The following KCNT2 variants were observed in gnomAD, a reference collection of about 807,000 sequenced individuals.
KCNT2 encodes the protein potassium sodium-activated channel subfamily T member 2, also known as potassium channel subfamily T member 2.
A neutral mutation model predicts 153.8 loss-of-function variants in KCNT2; 67 were observed. The observed-to-expected ratio is 0.44, with a 90% CI of 0.36 to 0.53. The LOEUF is 0.53. KCNT2 is among the 20% of genes least tolerant of loss of function. The pLI, the probability that KCNT2 is intolerant of heterozygous loss-of-function variation, is 0.00. For missense variants in KCNT2, 975 were observed against 1,354.8 expected (o/e 0.72, Z 4.40); for synonymous variants, 500 against 458.8 (o/e 1.09, Z -1.15).
intron 1 of KCNT2, among the ~76,000 whole-genome samples, chr1:196,590,920 G>T (rs181271687): frequency 6.6e-6 from 1 of 152,186 alleles, no homozygotes; most frequent in East Asian, 1.9e-4. Flanking sequence ...GAGGCCAGGA[G>T]TTCAAGACCT....
rs190590378 is a variant in KCNT2 at position 196,283,379 on chromosome 1, G to A, written c.2698-1023C>T. Among the ~76,000 whole-genome samples, 248 of 152,104 alleles carry A rather than the reference G, an allele frequency of 1.6e-3. 1 individual carries two copies. Among genetic ancestry groups the A allele is most frequent in the African/African-American group, 5.3e-3 (222 of 41,500 alleles). ...AACCCCGGGGGGCAGAGCTTGCAGT[G>A]AGCCAAGACCACGCCACTGCACTCC... is the stretch of plus-strand genomic sequence containing the variant. On this transcript the variant is annotated intron_variant, in intron 23 of 27. Coordinates refer to ENST00000294725, the MANE Select transcript of KCNT2 (RefSeq NM_198503.5).
At chr1:196,523,635 A>G (rs1653792703) in intron 1 of KCNT2, among the ~76,000 whole-genome samples, 1 of 152,182 alleles carries the variant, frequency 6.6e-6, no homozygotes, top group Non-Finnish European at 1.5e-5. Flanking sequence ...GAGAGTCTAG[A>G]CCAGAATTTC....
intron 13 of KCNT2, among the ~76,000 whole-genome samples, chr1:196,393,547 A>T (rs1255528175): frequency 1.3e-5 from 2 of 151,540 alleles, no homozygotes; most frequent in Non-Finnish European, 1.5e-5. Flanking sequence ...TGAAGAAGTT[A>T]TCCTCCTAGT....
chr1:196,460,909 A>T lies in KCNT2; in HGVS notation c.638+4384T>A, dbSNP rs76638935. Among the ~76,000 whole-genome samples the T allele has an allele frequency of 2.4e-3, 363 of 151,866 alleles. 3 individuals carry two copies. Among genetic ancestry groups the T allele is most frequent in the African/African-American group, 8.3e-3 (345 of 41,508 alleles). ...CTTATTTTGTTTTCAAAAATTATAC[A>T]TAGCCATTATGAAAATTTAAACCAT... On this transcript the variant is annotated intron_variant, in intron 8 of 27. Coordinates refer to ENST00000294725, the MANE Select transcript of KCNT2 (RefSeq NM_198503.5).
chr1:196,497,970 T>C (rs770341867), intron 1 of KCNT2, among the ~76,000 whole-genome samples: 13 of 152,210 alleles, frequency 8.5e-5, no homozygotes, highest in Non-Finnish European at 1.8e-4. Flanking sequence ...ACTCCAGATT[T>C]TTCTATGGTC....
At chr1:196,296,152 A>G (rs1017970638) in intron 22 of KCNT2, among the ~76,000 whole-genome samples, 14 of 151,978 alleles carry the variant, frequency 9.2e-5, no homozygotes, top group Non-Finnish European at 1.9e-4. Flanking sequence ...ATATACTATT[A>G]TCTGTTTGAT....
Position 196,541,399 on chromosome 1 carries a change from T to A in KCNT2, c.96-49058A>T, listed in dbSNP as rs937324890. On this transcript the variant is annotated intron_variant, in intron 1 of 27. Transcript: ENST00000294725. ...TTTTTTTACAACCTATAAACTAAGA[T>A]ATTTTTTTTCTATTTTTAAATGTCT... Among the ~76,000 whole-genome samples the A allele has an allele frequency of 2.7e-5, 4 of 150,256 alleles. No individual in the cohort carries two copies. The East Asian group carries it at 7.8e-4, about 29-fold the overall frequency.
intron 26 of KCNT2, among the ~76,000 whole-genome samples, chr1:196,252,706 T>C (rs2102303536): frequency 6.6e-6 from 1 of 151,752 alleles, no homozygotes; most frequent in Non-Finnish European, 1.5e-5. Context: ...TAATTCCACC[T>C]GGCATCATTT....
rs374356835 is a variant in KCNT2, at chr1:196,316,037, A to G, written c.2349-11T>C. The G allele has an allele frequency of 1.8e-5, 29 of 1,607,788 alleles. No individual in the cohort carries two copies. The African/African-American group carries it at 3.6e-4, about 20-fold the overall frequency. ...AGTAAGTCATCTAGGCTTTGATAAAAATCAACAGAGAAAAACAAACATTAA... is the reference window on the plus strand; with the variant it reads ...AGTAAGTCATCTAGGCTTTGATAAAGATCAACAGAGAAAAACAAACATTAA... On this transcript the variant is annotated splice_polypyrimidine_tract_variant and intron_variant, in intron 20 of 27. Transcript: ENST00000294725.
chr1:196,238,334 T>C (rs1026235601), intron 26 of KCNT2, among the ~76,000 whole-genome samples: 1 of 151,952 alleles, frequency 6.6e-6, no homozygotes, highest in Admixed American at 6.6e-5. Context: ...ATTTTTTTTC[T>C]GCTTAAGTAG....
intron 1 of KCNT2, among the ~76,000 whole-genome samples, chr1:196,559,515 T>C (rs1659110114): frequency 6.6e-6 from 1 of 151,726 alleles, no homozygotes; most frequent in African/African-American, 2.4e-5. Context: ...AGTAGAACAT[T>C]TCAATGCTCT....
chr1:196,318,068 G>A (rs1662908033), intron 20 of KCNT2, among the ~76,000 whole-genome samples: 1 of 150,708 alleles, frequency 6.6e-6, no homozygotes, highest in South Asian at 2.1e-4. Flanking sequence ...CAAGGCCATT[G>A]CCTTATTTTT....
At chr1:196,273,200 T>C (rs1039956202) in intron 25 of KCNT2, among the ~76,000 whole-genome samples, 2 of 151,846 alleles carry the variant, frequency 1.3e-5, no homozygotes, top group African/African-American at 4.8e-5. Context: ...GAAATATCTT[T>C]CATTATTAAC....
At chr1:196,481,133 T>A (rs1339322197) in intron 4 of KCNT2, among the ~76,000 whole-genome samples, 1 of 152,134 alleles carries the variant, frequency 6.6e-6, no homozygotes, top group East Asian at 1.9e-4. Context: ...AACTTGACTT[T>A]AACAAAACTT....
chr1:196,379,249 C>T (rs572195226), intron 13 of KCNT2, among the ~76,000 whole-genome samples: 3 of 152,068 alleles, frequency 2.0e-5, no homozygotes, highest in African/African-American at 7.2e-5. Flanking sequence ...AATTCCCCTC[C>T]TTTGTTGAAG....
At chr1:196,305,459 A>G in intron 21 of KCNT2, 114 bp from the exon 22 acceptor site, 1 of 607,836 alleles carries the variant, frequency 1.6e-6, no homozygotes, top group Middle Eastern at 3.6e-4. Context: ...ATATCCAATT[A>G]CAACAGCAGG....
At chr1:196,281,017 T>A (rs371621347) in intron 24 of KCNT2, 29 bp from the exon 25 acceptor site, 6 of 1,559,800 alleles carry the variant, frequency 3.8e-6, no homozygotes, top group African/African-American at 2.7e-5. Flanking sequence ...ATTTACATAT[T>A]AAATGTGTCA....
chr1:196,371,020 T>C (rs1251223298), intron 14 of KCNT2, among the ~76,000 whole-genome samples: 2 of 151,962 alleles, frequency 1.3e-5, no homozygotes, highest in African/African-American at 2.4e-5. Context: ...ATATATCCCC[T>C]GAATCTAAAG....
At chr1:196,545,877 ACC>A (rs1221282694) in intron 1 of KCNT2, among the ~76,000 whole-genome samples, 2 of 151,918 alleles carry the variant, frequency 1.3e-5, no homozygotes, top group Admixed American at 1.3e-4. Flanking sequence ...TCCATATTGT[ACC>A]TTGTATCATA....
Sources: gnomAD v4.1 joint callset for allele counts (sites outside exome capture counted in the v4.1 genomes callset) on GRCh38, gnomAD v4.1.1 for gene constraint, MANE v1.5 for transcripts, NCBI Gene and HGNC (gene_info 2026-07-23, HGNC 2026-07-21) for gene names.